Variants in RP1 observed in about 807,000 individuals in gnomAD.
The protein encoded by RP1 is oxygen-regulated protein 1.
RP1 carries 16 observed loss-of-function variants against 14.8 expected under a neutral mutation model. The observed-to-expected ratio is 1.08, with a 90% CI of 0.73 to 1.65. RP1 has a LOEUF of 1.65. Ranked by LOEUF, RP1 falls within the 40% of genes most tolerant of loss-of-function variation. The probability of loss-of-function intolerance (pLI) is 0.00; values close to 1 mark genes in which losing one functional copy is unlikely to be tolerated. For synonymous variants in RP1, 876 were observed against 883.6 expected, an observed-to-expected ratio of 0.99 and a Z score of 0.15; for missense variants, 2,631 against 2,535.0, an observed-to-expected ratio of 1.04 and a Z score of -0.81.
chr8:54,723,085 C>A (rs758643622), intron 16 of RP1, among the ~76,000 whole-genome samples: 2 of 152,188 alleles, frequency 1.3e-5, no homozygotes, highest in Non-Finnish European at 2.9e-5. Flanking sequence ...GTGCGGGGAG[C>A]TTTTGCCAGT....
At chr8:54,841,827 C>A (rs1314145565) in intron 25 of RP1, among the ~76,000 whole-genome samples, 1 of 152,088 alleles carries the variant, frequency 6.6e-6, no homozygotes, top group African/African-American at 2.4e-5. Flanking sequence ...CAGGCTCTCT[C>A]CAGGAGAGAT....
intron 19 of RP1, among the ~76,000 whole-genome samples, chr8:54,739,827 A>G (rs1057103509): frequency 2.6e-5 from 4 of 152,120 alleles, no homozygotes; most frequent in Admixed American, 1.3e-4. Context: ...TGGTGGTCCC[A>G]TAAGATTATA....
At chr8:54,562,757 T>C (rs1804316002) in intron 1 of RP1, among the ~76,000 whole-genome samples, 1 of 152,242 alleles carries the variant, frequency 6.6e-6, no homozygotes, top group South Asian at 2.1e-4. Flanking sequence ...GATTTCAACA[T>C]TAATTGATCA....
In RP1 at chr8:54,627,488, C is replaced by T; in HGVS notation, c.3606C>T (p.Asp1202=). 6.2e-7 allele frequency: 1 copy of T among 1,614,158 alleles called. No homozygotes were observed. The highest frequency in any genetic ancestry group is 8.5e-7 in the Non-Finnish European group (1 of 1,179,978). Residue 1202 remains aspartate (D), a synonymous_variant, in exon 4 of 4, where the codon GAC becomes GAT. Coordinates refer to ENST00000220676, the MANE Select transcript of RP1 (RefSeq NM_006269.2). ...SHFGLSEKEQ[D]MVPIDLSANC... is the part of the protein sequence containing the mutation. ...TTGGACTCAGTGAGAAAGAACAAGA[C>T]ATGGTTCCAATAGATCTTTCTGCAA...
rs1806154228 is a variant in RP1 at position 54,628,669 on chromosome 8, CT to C, written c.4788del (p.Asp1597ThrfsTer29). ...ACTTCTGATTGGTCAGACTATCGGC[CT>C]GACAGTGACAGTGAGCAGCCATATA... ...PVTSDWSDYR[P>X]DSDSEQPYKT... On this transcript the variant is annotated frameshift_variant, in exon 4 of 4. Coordinates refer to ENST00000220676, the MANE Select transcript of RP1 (RefSeq NM_006269.2). LOFTEE classifies it low-confidence loss of function (END_TRUNC). 4 of 1,613,916 alleles carry C rather than the reference CT, an allele frequency of 2.5e-6. No homozygotes were observed.
chr8:54,861,551 T>C (rs1460727648), intron 27 of RP1, among the ~76,000 whole-genome samples: 1 of 152,258 alleles, frequency 6.6e-6, no homozygotes, highest in African/African-American at 2.4e-5. Context: ...ATAGTTGTGT[T>C]GTTTCCAGTT....
intron 1 of RP1, among the ~76,000 whole-genome samples, chr8:54,586,729 C>T (rs1804935344): frequency 2.6e-5 from 4 of 152,324 alleles, no homozygotes; most frequent in Admixed American, 2.6e-4. Context: ...TGCCACCTTG[C>T]AGTTTGATCT....
chr8:54,821,508 C>G (rs1263295213), intron 24 of RP1, among the ~76,000 whole-genome samples: 1 of 152,158 alleles, frequency 6.6e-6, no homozygotes, highest in Non-Finnish European at 1.5e-5. Flanking sequence ...CTCTACATAA[C>G]AGAGGCCAAT....
intron 12 of RP1, among the ~76,000 whole-genome samples, chr8:54,693,983 G>A (rs943854277): frequency 6.6e-6 from 1 of 152,038 alleles, no homozygotes; most frequent in African/African-American, 2.4e-5. Flanking sequence ...ATTATTTTGA[G>A]ATACATCCCA....
At chr8:54,615,106 T>G (rs974481625), upstream of RP1, among the ~76,000 whole-genome samples, 3 of 152,174 alleles carry the variant, frequency 2.0e-5, no homozygotes, top group Admixed American at 1.3e-4. Flanking sequence ...CAGTGATAAT[T>G]ATAAATGGAG....
At chr8:54,589,222 T>C (rs897017887) in intron 1 of RP1, among the ~76,000 whole-genome samples, 1 of 152,230 alleles carries the variant, frequency 6.6e-6, no homozygotes, top group Non-Finnish European at 1.5e-5. Flanking sequence ...AGGTTTTTAG[T>C]TGACTCTATA....
rs200689590 is a variant in RP1, at chr8:54,627,288, C to G, written c.3406C>G (p.Leu1136Val). Residue 1136 changes from leucine (L) to valine (V), a missense_variant, in exon 4 of 4, where the codon CTA (leucine) becomes GTA (valine). By Grantham distance (32) the Leu-to-Val change is conservative. Coordinates refer to ENST00000220676, the MANE Select transcript of RP1 (RefSeq NM_006269.2). ...TCTCCTTCTAGCTTGGCTCTTGGTG[C>G]TAAACCTAAAGGGAAGTATGAATAG... is the stretch of plus-strand genomic sequence containing the variant. Reference protein sequence around the residue: ...TNLLLAWLLVLNLKGSMNSFC... With the variant: ...TNLLLAWLLVVNLKGSMNSFC... 1 of 1,614,090 alleles carries G rather than the reference C, an allele frequency of 6.2e-7. No homozygotes were observed. Among genetic ancestry groups the G allele is most frequent in the Non-Finnish European group, 8.5e-7 (1 of 1,179,980 alleles).
At chr8:54,693,154 TC>T (rs1187075136) in intron 12 of RP1, among the ~76,000 whole-genome samples, 3 of 152,174 alleles carry the variant, frequency 2.0e-5, no homozygotes, top group Non-Finnish European at 4.4e-5. Flanking sequence ...TTCTGAGGGC[TC>T]TGTTCTGTTC....
intron 15 of RP1, among the ~76,000 whole-genome samples, chr8:54,708,758 C>G (rs984364376): frequency 6.6e-6 from 1 of 151,736 alleles, no homozygotes; most frequent in African/African-American, 2.4e-5. Context: ...CTTTTTCTTC[C>G]CAGTGAGTAA....
At chr8:54,830,297 T>A (rs938815238) in intron 24 of RP1, among the ~76,000 whole-genome samples, 17 of 151,676 alleles carry the variant, frequency 1.1e-4, no homozygotes, top group Admixed American at 4.6e-4. Context: ...TTTTTTTTTT[T>A]ATACTTTAAG....
intron 21 of RP1, among the ~76,000 whole-genome samples, chr8:54,758,391 G>T (rs1041365936): frequency 7.1e-6 from 1 of 140,316 alleles, no homozygotes; most frequent in Non-Finnish European, 1.5e-5. Flanking sequence ...ACAAACCCAA[G>T]AATGTGCTCT....
intron 1 of RP1, among the ~76,000 whole-genome samples, chr8:54,580,200 G>T (rs970410510): frequency 6.7e-6 from 1 of 148,958 alleles, no homozygotes; most frequent in Non-Finnish European, 1.5e-5. Context: ...AGCACTTGGT[G>T]TAATGCCTGG....
At position 54,627,588 on chromosome 8, in the gene RP1, G is replaced by T; in HGVS notation, c.3706G>T (p.Asp1236Tyr). Residue 1236 changes from aspartate to tyrosine, a missense_variant, in exon 4 of 4, where the codon GAT (aspartate) becomes TAT (tyrosine). Asp to Tyr is a radical substitution (Grantham distance 160, BLOSUM62 -3). Coordinates refer to ENST00000220676, the MANE Select transcript of RP1 (RefSeq NM_006269.2). ...NERTQGISSL[D>Y]GGCSASEACA... The stretch of plus-strand genomic sequence containing the variant: ...AAGAACACAAGGAATCTCCTCTTTG[G>T]ATGGAGGTTGCTCTGCCAGTGAGGC... 1 of 1,614,178 alleles carries T rather than the reference G, an allele frequency of 6.2e-7. No homozygotes were observed. Among genetic ancestry groups the T allele is most frequent in the Non-Finnish European group, 8.5e-7 (1 of 1,179,986 alleles).
intron 22 of RP1, chr8:54,759,166 G>C: frequency 7.8e-7 from 1 of 1,288,546 alleles, no homozygotes; most frequent in South Asian, 1.7e-5. Context: ...GTGTGTGTGT[G>C]TGTGTGTGTA....
Sources: allele counts gnomAD v4.1 joint callset (sites outside exome capture counted in the v4.1 genomes callset), GRCh38; gene constraint gnomAD v4.1.1; transcripts MANE v1.5; gene names NCBI Gene and HGNC (gene_info 2026-07-23, HGNC 2026-07-21).